GLE1: variants seen among roughly 807,000 people sequenced by gnomAD.
GLE1 encodes mRNA export factor GLE1.
Under a neutral mutation model 97.3 loss-of-function variants are expected in GLE1, and 78 were observed. That is an observed-to-expected ratio of 0.80 (90% CI 0.67 to 0.97). The LOEUF is 0.97. Among genes scored for constraint, GLE1 ranks in the 50% least tolerant of loss-of-function variants. GLE1 has a pLI of 0.00. For missense variants in GLE1, 753 were observed against 857.5 expected (o/e 0.88, Z 1.52); for synonymous variants, 302 against 313.4 (o/e 0.96, Z 0.39).
In GLE1 at chr9:128,521,340, C is replaced by T. The variant is rs572981972; in HGVS notation, c.433-1328C>T. 2.5e-4 allele frequency among the ~76,000 whole-genome samples: 38 copies of T among 152,110 alleles called. 1 individual carries two copies. The highest frequency in any genetic ancestry group is 2.2e-3 in the Admixed American group (33 of 15,262). ...CTTGAGATCGGGAGCTCTAGACCAT[C>T]CTGGGCAATATAGTGAGACCCTGAC... On this transcript the variant is annotated intron_variant, in intron 3 of 15. Transcript: ENST00000309971.
At chr9:128,522,042 GA>G (rs1251870601) in intron 3 of GLE1, among the ~76,000 whole-genome samples, 1 of 152,172 alleles carries the variant, frequency 6.6e-6, no homozygotes, top group African/African-American at 2.4e-5. Context: ...TATGGAATTA[GA>G]ATGAGGATTT....
In GLE1 at chr9:128,517,176, G is replaced by A. The variant is rs573752946; in HGVS notation, c.432+1537G>A. Among the ~76,000 whole-genome samples the A allele has an allele frequency of 2.0e-5, 3 of 152,004 alleles. 1 individual carries two copies. The South Asian group carries it at 6.2e-4, about 32-fold the overall frequency. On this transcript the variant is annotated intron_variant, in intron 3 of 15. Transcript: ENST00000309971. ...ATGGTGGCACATGCCTATAATACTA[G>A]TTACTGGGGAGGCTGAGGCAGGAGA...
Position 128,536,341 on chromosome 9 carries a change from T to C in GLE1, c.1647-14T>C. ...GAGCCACCACACCCGGCCAAATTTT[T>C]TCTTCCCGTATAGGATGCTTGGTTA... On this transcript the variant is annotated splice_polypyrimidine_tract_variant and intron_variant, in intron 11 of 15. Coordinates refer to ENST00000309971, the MANE Select transcript of GLE1 (RefSeq NM_001003722.2). The C allele has an allele frequency of 6.2e-7, 1 of 1,611,740 alleles. No homozygotes were observed. The highest frequency in any genetic ancestry group is 8.5e-7 in the Non-Finnish European group (1 of 1,178,570).
At chr9:128,511,097 G>A (rs1846805492) in intron 2 of GLE1, among the ~76,000 whole-genome samples, 1 of 151,198 alleles carries the variant, frequency 6.6e-6, no homozygotes, top group Non-Finnish European at 1.5e-5. Context: ...CCATCTACTT[G>A]GGAGGCTGAG....
intron 9 of GLE1, among the ~76,000 whole-genome samples, chr9:128,529,969 G>C (rs1261202150): frequency 6.6e-6 from 1 of 151,986 alleles, no homozygotes; most frequent in Non-Finnish European, 1.5e-5. Flanking sequence ...GTAGAGACCA[G>C]GTTTCAACGT....
At chr9:128,520,133 C>T (rs976894674) in intron 3 of GLE1, among the ~76,000 whole-genome samples, 23 of 152,072 alleles carry the variant, frequency 1.5e-4, no homozygotes, top group African/African-American at 5.1e-4. Context: ...GCCTGTAAAC[C>T]CAGCTACTTG....
At chr9:128,539,776 C>G in intron 14 of GLE1, 78 bp downstream of exon 14, 1 of 1,610,834 alleles carries the variant, frequency 6.2e-7, no homozygotes, top group Non-Finnish European at 8.5e-7. Flanking sequence ...GTGCTATTAC[C>G]TGCTGGTTTT....
At position 128,541,349 on chromosome 9, in the gene GLE1, C is replaced by T. The variant is rs1847878857; in HGVS notation, c.*179C>T. 4.9e-6 allele frequency: 3 copies of T among 615,640 alleles called. No individual in the cohort carries two copies. The South Asian group carries it at 5.8e-5, about 12-fold the overall frequency. 38.1% of individuals were successfully genotyped at this position (615,640 alleles called of 1,614,324 possible). A position where few individuals can be genotyped will look rare whatever the true frequency, so the allele number is the denominator to read the frequency against. On this transcript the variant is annotated 3_prime_UTR_variant, in exon 16 of 16. Transcript: ENST00000309971. Reference sequence around the variant, plus strand: ...CATGGGTCACAAAATTCTTGGAGGTCCCTTAGTAGATTTGGTAGTTCCTTA... The same window carrying T: ...CATGGGTCACAAAATTCTTGGAGGTTCCTTAGTAGATTTGGTAGTTCCTTA...
rs545991107 is a variant in GLE1, at chr9:128,534,774, A to G, written c.1646+823A>G. On this transcript the variant is annotated intron_variant, in intron 11 of 15. Coordinates refer to ENST00000309971, the MANE Select transcript of GLE1 (RefSeq NM_001003722.2). ...CGCTTTGTCACCCAGGCTGGAGTGC[A>G]GTGGCGTGATCTCAGCTCACTGCAA... Among the ~76,000 whole-genome samples the G allele has an allele frequency of 2.1e-3, 324 of 151,628 alleles. 2 individuals are homozygous for G. The highest frequency in any genetic ancestry group is 7.3e-3 in the African/African-American group (302 of 41,322).
In GLE1 at chr9:128,514,445, CTTTTTTT is replaced by C. The variant is rs772047006; in HGVS notation, c.322-1071_322-1065del. Among the ~76,000 whole-genome samples, 19 of 132,736 alleles carry C rather than the reference CTTTTTTT, an allele frequency of 1.4e-4. No individual in the cohort carries two copies. The East Asian group carries it at 4.1e-3, about 29-fold the overall frequency. 87.1% of individuals were successfully genotyped at this position (132,736 alleles called of 152,430 possible). A position where few individuals can be genotyped will look rare whatever the true frequency, so the allele number is the denominator to read the frequency against. ...ATACTGGGTGTAGGAGGATAGCAGA[CTTTTTTT>C]TTTTTTTTTTTTGAGACGGAGTCTC... On this transcript the variant is annotated intron_variant, in intron 2 of 15. Transcript: ENST00000309971.
At chr9:128,515,670 G>A (rs374485439) in intron 3 of GLE1, 31 bp downstream of exon 3, 53 of 1,170,216 alleles carry the variant, frequency 4.5e-5, no homozygotes, top group Non-Finnish European at 6.5e-5. Context: ...AGGCAGCCTT[G>A]ATCCTGCGAG....
intron 3 of GLE1, among the ~76,000 whole-genome samples, chr9:128,521,461 G>A (rs1847149887): frequency 6.6e-6 from 1 of 152,110 alleles, no homozygotes; most frequent in African/African-American, 2.4e-5. Flanking sequence ...TTGAGCTCAG[G>A]AGTTCAAGGC....
In GLE1 at chr9:128,539,649, G is replaced by T. The variant is rs1478211683; in HGVS notation, c.1915G>T (p.Val639Phe). Residue 639 changes from valine to phenylalanine, a missense_variant, in exon 14 of 16, where the codon GTT (valine) becomes TTT (phenylalanine). By Grantham distance (50) the Val-to-Phe change is conservative. Coordinates refer to ENST00000309971, the MANE Select transcript of GLE1 (RefSeq NM_001003722.2). ...CGNALMKQYQ[V>F]QFWKMLILIK... ...GAATGCCCTCATGAAGCAATACCAG[G>T]TTCAGTTCTGGAAGATGCTAATTCT... 1.2e-6 allele frequency: 2 copies of T among 1,611,888 alleles called. No individual in the cohort carries two copies. The highest frequency in any genetic ancestry group is 2.7e-5 in the African/African-American group (2 of 74,850).
At chr9:128,516,309 G>T (rs373404569) in intron 3 of GLE1, among the ~76,000 whole-genome samples, 2 of 151,546 alleles carry the variant, frequency 1.3e-5, no homozygotes, top group African/African-American at 4.9e-5. Flanking sequence ...TAATTTATTT[G>T]ATTGTATTTT....
At chr9:128,541,061 A>G (rs752254767) in intron 15 of GLE1, 41 bp from the exon 16 acceptor site, 3 of 1,081,474 alleles carry the variant, frequency 2.8e-6, no homozygotes, top group South Asian at 1.2e-5. Flanking sequence ...GAACACTGTT[A>G]TCAGAAACTC....
intron 2 of GLE1, 119 bp from the exon 3 acceptor site, chr9:128,515,410 T>G: frequency 4.5e-6 from 3 of 673,812 alleles, no homozygotes; most frequent in Non-Finnish European, 8.0e-6. Context: ...TTTTTTTTGC[T>G]CTTGTTATTG....
chr9:128,505,835 G>T (rs555152203), intron 1 of GLE1, among the ~76,000 whole-genome samples: 1 of 152,250 alleles, frequency 6.6e-6, no homozygotes, highest in South Asian at 2.1e-4. Flanking sequence ...AATCCTCCAT[G>T]GCTTTAGCAT....
intron 3 of GLE1, among the ~76,000 whole-genome samples, chr9:128,520,158 G>A (rs1436982829): frequency 6.6e-6 from 1 of 152,020 alleles, no homozygotes; most frequent in Non-Finnish European, 1.5e-5. Context: ...GCTGAGGCAG[G>A]AGAATCGCTT....
chr9:128,519,669 T>TGATCTCGC (rs1332701324), intron 3 of GLE1, among the ~76,000 whole-genome samples: 8 of 152,160 alleles, frequency 5.3e-5, no homozygotes, highest in Non-Finnish European at 1.0e-4. Context: ...TGTGGTCCTG[T>TGATCTCGC]GATCTCGCGA....
Sources: allele counts gnomAD v4.1 joint callset (sites outside exome capture counted in the v4.1 genomes callset), GRCh38; gene constraint gnomAD v4.1.1; transcripts MANE v1.5; gene names NCBI Gene and HGNC (gene_info 2026-07-23, HGNC 2026-07-21).